SDCCAG8: variants seen among roughly 807,000 people sequenced by gnomAD.
SDCCAG8 encodes SHH signaling and ciliogenesis regulator SDCCAG8, also known as serologically defined colon cancer antigen 8.
A neutral mutation model predicts 101.8 loss-of-function variants in SDCCAG8; 74 were observed. The ratio of observed to expected loss-of-function variants is 0.73; its 90% CI spans 0.60 to 0.88. The LOEUF (loss-of-function observed/expected upper bound fraction) is 0.88. SDCCAG8 is among the 40% of genes least tolerant of loss of function. The pLI, the probability that SDCCAG8 is intolerant of heterozygous loss-of-function variation, is 0.00. For synonymous variants in SDCCAG8, 281 were observed against 292.9 expected, an observed-to-expected ratio of 0.96 and a Z score of 0.41; for missense variants, 787 against 822.6, an observed-to-expected ratio of 0.96 and a Z score of 0.53.
At chr1:243,448,433 A>G (rs1484852064) in intron 16 of SDCCAG8, among the ~76,000 whole-genome samples, 1 of 152,316 alleles carries the variant, frequency 6.6e-6, no homozygotes, top group East Asian at 1.9e-4. Context: ...CACTCTACAT[A>G]CATACATTCT....
chr1:243,449,908 A>G (rs1243696013), intron 16 of SDCCAG8, among the ~76,000 whole-genome samples: 3 of 152,170 alleles, frequency 2.0e-5, no homozygotes, highest in East Asian at 1.9e-4. Flanking sequence ...TTCCACTTCA[A>G]TAAATGGCTC....
intron 4 of SDCCAG8, 119 bp from the exon 5 acceptor site, chr1:243,286,153 A>G: frequency 9.5e-7 from 1 of 1,050,882 alleles, no homozygotes. Flanking sequence ...ATATAATTAT[A>G]TTTCAGGAAA....
At chr1:243,358,460 A>G (rs1474771718) in intron 12 of SDCCAG8, among the ~76,000 whole-genome samples, 1 of 152,308 alleles carries the variant, frequency 6.6e-6, no homozygotes, top group Non-Finnish European at 1.5e-5. Flanking sequence ...ACAGATAATA[A>G]CAAGTGTCGG....
chr1:243,421,940 T>A (rs1357977680), intron 15 of SDCCAG8, among the ~76,000 whole-genome samples: 1 of 152,134 alleles, frequency 6.6e-6, no homozygotes, highest in Non-Finnish European at 1.5e-5. Flanking sequence ...CTTAGATGAA[T>A]CAGCAGTAAA....
chr1:243,464,872 A>C (rs1659829459), intron 16 of SDCCAG8, among the ~76,000 whole-genome samples: 1 of 152,224 alleles, frequency 6.6e-6, no homozygotes, highest in Non-Finnish European at 1.5e-5. Context: ...GCTCCAGTAC[A>C]TGTCACAGGT....
chr1:243,282,504 A>G (rs2069154446), intron 4 of SDCCAG8, among the ~76,000 whole-genome samples: 1 of 152,118 alleles, frequency 6.6e-6, no homozygotes, highest in Non-Finnish European at 1.5e-5. Flanking sequence ...TCCTTCTTTA[A>G]TACTCTTTTT....
At chr1:243,372,262 C>A (rs1033566078) in intron 12 of SDCCAG8, among the ~76,000 whole-genome samples, 1 of 152,002 alleles carries the variant, frequency 6.6e-6, no homozygotes, top group South Asian at 2.1e-4. Context: ...TTTTAACTTG[C>A]GAGGATTTTT....
At chr1:243,417,453 C>T (rs139089572) in intron 14 of SDCCAG8, among the ~76,000 whole-genome samples, 3,234 of 152,192 alleles carry the variant, frequency 0.021, 47 homozygotes, top group Non-Finnish European at 0.033. Flanking sequence ...AAAGAAAATA[C>T]ACATTTTTAC....
intron 9 of SDCCAG8, among the ~76,000 whole-genome samples, chr1:243,317,666 A>C (rs746610552): frequency 2.1e-4 from 32 of 152,190 alleles, no homozygotes; most frequent in Non-Finnish European, 4.0e-4. Flanking sequence ...TAACTCAAAC[A>C]TACTTAATGA....
At chr1:243,484,009 C>T (rs2148239503) in intron 16 of SDCCAG8, among the ~76,000 whole-genome samples, 1 of 152,294 alleles carries the variant, frequency 6.6e-6, no homozygotes, top group Non-Finnish European at 1.5e-5. Context: ...CAGGTTTGGC[C>T]CACCCAGCTA....
At chr1:243,304,588 T>C in intron 6 of SDCCAG8, 125 bp from the exon 7 acceptor site, 1 of 636,934 alleles carries the variant, frequency 1.6e-6, no homozygotes, top group Non-Finnish European at 2.8e-6. Flanking sequence ...AAATATTTTC[T>C]AAGAAGACAT....
chr1:243,484,017 C>G (rs1664294435), intron 16 of SDCCAG8, among the ~76,000 whole-genome samples: 1 of 152,200 alleles, frequency 6.6e-6, no homozygotes, highest in African/African-American at 2.4e-5. Flanking sequence ...GCCCACCCAG[C>G]TAGAGCTCCA....
intron 12 of SDCCAG8, among the ~76,000 whole-genome samples, chr1:243,347,589 G>A (rs2075794803): frequency 6.6e-6 from 1 of 152,186 alleles, no homozygotes; most frequent in Admixed American, 6.5e-5. Flanking sequence ...TTCTAAAGAG[G>A]TATAAATTAA....
At chr1:243,400,609 C>G (rs1220435786) in intron 13 of SDCCAG8, among the ~76,000 whole-genome samples, 2 of 152,180 alleles carry the variant, frequency 1.3e-5, no homozygotes, top group African/African-American at 4.8e-5. Flanking sequence ...GAGTCACGTT[C>G]CAAGTTCTTC....
intron 13 of SDCCAG8, among the ~76,000 whole-genome samples, chr1:243,394,478 A>G (rs2078916123): frequency 6.6e-6 from 1 of 152,222 alleles, no homozygotes. Flanking sequence ...CACATCTGAA[A>G]GAAGGTCTTG....
At position 243,474,523 on chromosome 1, in the gene SDCCAG8, A is replaced by G. The variant is rs1352571716; in HGVS notation, c.1986-14491A>G. 6.6e-6 allele frequency among the ~76,000 whole-genome samples: 1 copy of G among 152,130 alleles called. No homozygotes were observed. Among genetic ancestry groups the G allele is most frequent in the African/African-American group, 2.4e-5 (1 of 41,436 alleles). ...CTGGGTGGGCAGGGAGGCCGAGAGGACGGTGCACCGCCCGGCAGCGCTGAG... is the reference window on the plus strand; with the variant it reads ...CTGGGTGGGCAGGGAGGCCGAGAGGGCGGTGCACCGCCCGGCAGCGCTGAG... On this transcript the variant is annotated intron_variant, in intron 16 of 17. Coordinates refer to ENST00000366541, the MANE Select transcript of SDCCAG8 (RefSeq NM_006642.5). The surrounding 1 kb of genome is among the most constrained non-coding windows in gnomAD (Gnocchi z 4.7).
At chr1:243,439,698 T>G (rs1235971425) in intron 16 of SDCCAG8, among the ~76,000 whole-genome samples, 1 of 151,008 alleles carries the variant, frequency 6.6e-6, no homozygotes, top group Admixed American at 6.6e-5. Context: ...GATAGTAGTA[T>G]TGCCTTCTGT....
rs562474977 is a variant in SDCCAG8 at position 243,468,883 on chromosome 1, G to A, written c.1986-20131G>A. 7.7e-4 allele frequency among the ~76,000 whole-genome samples: 118 copies of A among 152,310 alleles called. 1 individual carries two copies. Among genetic ancestry groups the A allele is most frequent in the African/African-American group, 2.7e-3 (112 of 41,580 alleles). Reference sequence around the variant, plus strand: ...TTCAGAGTTGACTGAGCTAACGTATGTGAAAAGTACTTCGTATATGCTCTG... The same window carrying A: ...TTCAGAGTTGACTGAGCTAACGTATATGAAAAGTACTTCGTATATGCTCTG... On this transcript the variant is annotated intron_variant, in intron 16 of 17. Coordinates refer to ENST00000366541, the MANE Select transcript of SDCCAG8 (RefSeq NM_006642.5).
chr1:243,357,576 A>T (rs1057220056), intron 12 of SDCCAG8, among the ~76,000 whole-genome samples: 3 of 152,226 alleles, frequency 2.0e-5, no homozygotes, highest in Non-Finnish European at 4.4e-5. Context: ...GTCAGCTGGG[A>T]GTAATTACCT....
Sources: allele counts gnomAD v4.1 joint callset (sites outside exome capture counted in the v4.1 genomes callset), GRCh38; gene constraint gnomAD v4.1.1; non-coding constraint Gnocchi (gnomAD v3.1); transcripts MANE v1.5; gene names NCBI Gene and HGNC (gene_info 2026-07-23, HGNC 2026-07-21).